PCCA: variants seen among roughly 807,000 people sequenced by gnomAD.
PCCA encodes the protein propionyl-CoA carboxylase subunit alpha.
In PCCA, 74 loss-of-function variants were observed where a neutral mutation model predicts 101.3. The ratio of observed to expected loss-of-function variants is 0.73; its 90% confidence interval spans 0.61 to 0.89. The LOEUF is 0.89. PCCA is among the 40% of genes least tolerant of loss of function. The pLI is 0.00. For missense variants in PCCA, 891 were observed against 907.0 expected (o/e 0.98, Z 0.23); for synonymous variants, 294 against 313.6 (o/e 0.94, Z 0.66).
intron 4 of PCCA, among the ~76,000 whole-genome samples, chr13:100,137,247 G>A (rs2051294517): frequency 1.3e-5 from 2 of 151,904 alleles, no homozygotes; most frequent in African/African-American, 4.8e-5. Context: ...TTTTCAGTGT[G>A]TTAAGTTCAT....
chr13:100,329,328 C>T (rs999137661), intron 16 of PCCA, among the ~76,000 whole-genome samples: 5 of 152,114 alleles, frequency 3.3e-5, no homozygotes, highest in African/African-American at 9.7e-5. Context: ...GCAACATCAG[C>T]AGCGCGTTTG....
rs7327523 is a variant in PCCA at position 100,465,420 on chromosome 13, T to A, written c.1899+16115T>A. The stretch of plus-strand genomic sequence containing the variant: ...TGTACTTTCATAATACATACTTTTT[T>A]AAAATCAGGGAGTGACATGATAGGA... On this transcript the variant is annotated intron_variant, in intron 21 of 23. Transcript: ENST00000376285. Among the ~76,000 whole-genome samples the A allele has an allele frequency of 4.2e-3, 645 of 152,312 alleles. 5 individuals carry two copies. The highest frequency in any genetic ancestry group is 0.015 in the African/African-American group (618 of 41,570).
chr13:100,155,390 A>G (rs2053774454), intron 5 of PCCA, among the ~76,000 whole-genome samples: 1 of 152,256 alleles, frequency 6.6e-6, no homozygotes, highest in Non-Finnish European at 1.5e-5. Context: ...AGTTTTGAGT[A>G]TTAACCCTTT....
intron 7 of PCCA, among the ~76,000 whole-genome samples, chr13:100,215,944 G>A (rs982274525): frequency 1.8e-4 from 28 of 151,972 alleles, no homozygotes; most frequent in African/African-American, 6.0e-4. Context: ...CAGCCCTGCC[G>A]TATACTTTAA....
intron 22 of PCCA, among the ~76,000 whole-genome samples, chr13:100,520,634 C>CAAAAA (rs374566196): frequency 7.3e-5 from 5 of 68,238 alleles, no homozygotes; most frequent in Admixed American, 5.9e-4. Flanking sequence ...GACTCCGTCT[C>CAAAAA]AAAAAAAAAA....
At chr13:100,470,159 G>A (rs2152954366) in intron 21 of PCCA, among the ~76,000 whole-genome samples, 1 of 152,284 alleles carries the variant, frequency 6.6e-6, no homozygotes, top group Non-Finnish European at 1.5e-5. Flanking sequence ...CCTGGCTATC[G>A]GGGTGAACAC....
At chr13:100,259,071 T>C (rs2062272300) in intron 9 of PCCA, among the ~76,000 whole-genome samples, 1 of 152,186 alleles carries the variant, frequency 6.6e-6, no homozygotes, top group Non-Finnish European at 1.5e-5. Flanking sequence ...CCACTAACCG[T>C]GAACACCATA....
At chr13:100,358,478 A>G (rs186823128) in intron 18 of PCCA, among the ~76,000 whole-genome samples, 19 of 152,336 alleles carry the variant, frequency 1.2e-4, no homozygotes, top group African/African-American at 4.3e-4. Context: ...AAAATGAGGG[A>G]AAAATGGGAA....
intron 21 of PCCA, among the ~76,000 whole-genome samples, chr13:100,460,933 T>G (rs888720836): frequency 6.6e-6 from 1 of 152,214 alleles, no homozygotes; most frequent in Non-Finnish European, 1.5e-5. Flanking sequence ...AAATGGATGC[T>G]GTGCTGATAG....
intron 8 of PCCA, among the ~76,000 whole-genome samples, chr13:100,248,223 A>G (rs1043737603): frequency 2.6e-5 from 4 of 152,212 alleles, no homozygotes; most frequent in Middle Eastern, 3.4e-3. Context: ...ATTTATTTAT[A>G]TAATCTACTT....
chr13:100,237,777 A>T, intron 8 of PCCA, among the ~76,000 whole-genome samples: 1 of 152,256 alleles, frequency 6.6e-6, no homozygotes, highest in East Asian at 1.9e-4. Context: ...AGAGAAATTT[A>T]GGGAAATAAA....
At chr13:100,418,436 G>A (rs2078523553) in intron 19 of PCCA, among the ~76,000 whole-genome samples, 1 of 152,180 alleles carries the variant, frequency 6.6e-6, no homozygotes, top group South Asian at 2.1e-4. Context: ...TCCTGCTGCA[G>A]CTGACACTAC....
At chr13:100,355,130 T>C (rs1429958257) in intron 18 of PCCA, among the ~76,000 whole-genome samples, 1 of 152,114 alleles carries the variant, frequency 6.6e-6, no homozygotes, top group Admixed American at 6.6e-5. Flanking sequence ...AGGTTTCTCC[T>C]AGAGATACAA....
Position 100,273,082 on chromosome 13 carries a change from T to G in PCCA, c.915-114T>G, listed in dbSNP as rs532684263. ...AAGCACAATATTTTGAATTCTTAAATTGGTATAGATGATCTATATCTGAGT... is the reference window on the plus strand; with the variant it reads ...AAGCACAATATTTTGAATTCTTAAAGTGGTATAGATGATCTATATCTGAGT... On this transcript the variant is annotated intron_variant, in intron 11 of 23. Transcript: ENST00000376285. 4 of 719,220 alleles carry G rather than the reference T, an allele frequency of 5.6e-6. No individual in the cohort carries two copies. The Admixed American group carries it at 9.6e-5, about 17-fold the overall frequency. 44.6% of individuals were successfully genotyped at this position (719,220 alleles called of 1,614,324 possible).
intron 18 of PCCA, among the ~76,000 whole-genome samples, chr13:100,366,227 C>T (rs755019818): frequency 2.6e-5 from 4 of 152,094 alleles, no homozygotes; most frequent in Admixed American, 6.5e-5. Context: ...TGACCCCATT[C>T]GAAGTGAGCA....
At chr13:100,253,322 A>G (rs537533186) in intron 8 of PCCA, among the ~76,000 whole-genome samples, 3 of 152,312 alleles carry the variant, frequency 2.0e-5, no homozygotes, top group African/African-American at 4.8e-5. Flanking sequence ...ATGTTTGTAT[A>G]TCATTGTCTG....
chr13:100,171,180 T>A (rs2055597066), intron 6 of PCCA, among the ~76,000 whole-genome samples: 1 of 152,190 alleles, frequency 6.6e-6, no homozygotes, highest in African/African-American at 2.4e-5. Flanking sequence ...CTAATGAATT[T>A]GTCATAAAAA....
At chr13:100,493,815 A>G (rs995601574) in intron 21 of PCCA, among the ~76,000 whole-genome samples, 3 of 152,192 alleles carry the variant, frequency 2.0e-5, no homozygotes, top group African/African-American at 7.2e-5. Flanking sequence ...CTCCCTCCCA[A>G]CTTGCTTGCT....
At chr13:100,426,054 A>G (rs543141127) in intron 20 of PCCA, among the ~76,000 whole-genome samples, 10 of 152,230 alleles carry the variant, frequency 6.6e-5, no homozygotes, top group South Asian at 2.1e-4. Context: ...GTAAAATACA[A>G]CTTACTTTGT....
Sources: gnomAD v4.1 joint callset for allele counts (sites outside exome capture counted in the v4.1 genomes callset) on GRCh38, gnomAD v4.1.1 for gene constraint, MANE v1.5 for transcripts, NCBI Gene and HGNC (gene_info 2026-07-23, HGNC 2026-07-21) for gene names.